Variants in RBKS observed in about 807,000 individuals in gnomAD.
The protein encoded by RBKS is ribokinase.
A neutral mutation model predicts 33.9 loss-of-function variants in RBKS; 33 were observed. The ratio of observed to expected loss-of-function variants is 0.97; its 90% CI spans 0.74 to 1.30. The LOEUF (loss-of-function observed/expected upper bound fraction) is 1.30, where lower values mean the gene tolerates loss of function less well. RBKS is among the 50% of genes most tolerant of loss of function. The pLI is 0.00. For synonymous variants in RBKS, 125 were observed against 143.0 expected, an observed-to-expected ratio of 0.87 and a Z score of 0.90; for missense variants, 361 against 392.6, an observed-to-expected ratio of 0.92 and a Z score of 0.68.
intron 2 of RBKS, 104 bp downstream of exon 2, chr2:27,858,335 G>T (rs1301322523): frequency 8.7e-7 from 1 of 1,154,242 alleles, no homozygotes; most frequent in African/African-American, 1.5e-5. Flanking sequence ...ACATGCCACT[G>T]AACTGTTCAC....
intron 7 of RBKS, among the ~76,000 whole-genome samples, chr2:27,823,140 ACT>A (rs997421995): frequency 1.3e-5 from 2 of 152,132 alleles, no homozygotes; most frequent in Non-Finnish European, 2.9e-5. Context: ...GCGGACATGC[ACT>A]CTCTGTCATT....
chr2:27,884,264 T>C (rs1284086939), intron 1 of RBKS, among the ~76,000 whole-genome samples: 1 of 152,168 alleles, frequency 6.6e-6, no homozygotes, highest in African/African-American at 2.4e-5. Context: ...TATTTTTTTA[T>C]GTTTAACAGG....
At chr2:27,789,941 G>GTATATATA (rs1169639270) in intron 7 of RBKS, among the ~76,000 whole-genome samples, 39 of 96,476 alleles carry the variant, frequency 4.0e-4, no homozygotes, top group South Asian at 6.7e-4. Context: ...ATATATATAT[G>GTATATATA]TATATGTGTA....
intron 1 of RBKS, among the ~76,000 whole-genome samples, chr2:27,880,085 T>G (rs1276047381): frequency 3.3e-5 from 5 of 152,190 alleles, no homozygotes; most frequent in Admixed American, 6.5e-5. Context: ...CATGATCAAG[T>G]AGACTTTTCC....
intron 5 of RBKS, among the ~76,000 whole-genome samples, chr2:27,840,209 A>T (rs1459314311): frequency 2.0e-5 from 3 of 151,254 alleles, no homozygotes; most frequent in Non-Finnish European, 4.4e-5. Context: ...TTGAGTAGAG[A>T]TGGGGTTTCA....
chr2:27,785,658 G>T (rs1329784036), intron 7 of RBKS, among the ~76,000 whole-genome samples: 3 of 152,032 alleles, frequency 2.0e-5, no homozygotes, highest in South Asian at 2.1e-4. Context: ...AGCCACTTGG[G>T]AGGCTGAGGC....
At position 27,781,763 on chromosome 2, in the gene RBKS, G is replaced by A. The variant is rs768632901; in HGVS notation, c.821C>T (p.Ala274Val). The A allele has an allele frequency of 3.7e-6, 6 of 1,613,598 alleles. No homozygotes were observed. In the Admixed American group the frequency reaches 1.0e-4, roughly 27 times the overall value. Residue 274 changes from alanine to valine, a missense_variant, in exon 8 of 8, where the codon GCT becomes GTT. Coordinates refer to ENST00000302188, the MANE Select transcript of RBKS (RefSeq NM_022128.3). The stretch of plus-strand genomic sequence containing the variant: ...ATAGTAAGCCAGGTAGAAGGCCAGA[G>A]CTCCCACAAAGCTGTCACCAGCACC... ...TTGAGDSFVG[A>V]LAFYLAYYPN...
intron 2 of RBKS, among the ~76,000 whole-genome samples, chr2:27,854,897 A>G (rs1352338032): frequency 6.6e-6 from 1 of 152,204 alleles, no homozygotes; most frequent in Non-Finnish European, 1.5e-5. Flanking sequence ...ATAAACATCC[A>G]TCACCTCCAA....
At chr2:27,842,931 G>T in intron 5 of RBKS, 136 bp downstream of exon 5, 2 of 601,674 alleles carry the variant, frequency 3.3e-6, no homozygotes, top group Non-Finnish European at 5.2e-6. Flanking sequence ...AGAACCACAA[G>T]ACTGTGAATC....
chr2:27,832,696 T>C lies in RBKS; in HGVS notation c.596A>G (p.Asn199Ser). 9.3e-6 allele frequency: 15 copies of C among 1,611,090 alleles called. No individual in the cohort carries two copies. The highest frequency in any genetic ancestry group is 1.3e-5 in the Non-Finnish European group (15 of 1,177,510). ...GCAATTCACCCTTACCTCACTTTCA[T>C]TGCAGCAGAACACATCTGAGAGGGT... ...FYTLSDVFCCNESEAEILTGL... is the reference protein window; with the variant it reads ...FYTLSDVFCCSESEAEILTGL... Residue 199 changes from asparagine to serine, a missense_variant, in exon 6 of 8, where the codon AAT becomes AGT. Physicochemically the swap from Asn to Ser is conservative, Grantham distance 46. Coordinates refer to ENST00000302188, the MANE Select transcript of RBKS (RefSeq NM_022128.3).
At position 27,890,233 on chromosome 2, in the gene RBKS, C is replaced by G. The variant is rs377174524; in HGVS notation, c.89+24G>C. 3.0e-5 allele frequency: 48 copies of G among 1,610,312 alleles called. 1 individual carries two copies. Among genetic ancestry groups the G allele is most frequent in the African/African-American group, 1.3e-5 (1 of 74,884 alleles). On this transcript the variant is annotated intron_variant, in intron 1 of 7. Coordinates refer to ENST00000302188, the MANE Select transcript of RBKS (RefSeq NM_022128.3). This position sits in a 1 kb window ranked among gnomAD's most constrained non-coding sequence, Gnocchi z 4.8. ...CACGCCTCCTCCCCCGAGCCGCAGA[C>G]TGAGTAACTGGCCCCGGACTAACCT... is the stretch of plus-strand genomic sequence containing the variant.
chr2:27,792,807 T>C (rs1236444573), intron 7 of RBKS, among the ~76,000 whole-genome samples: 3 of 152,230 alleles, frequency 2.0e-5, no homozygotes, highest in Admixed American at 6.5e-5. Context: ...TGGGCCTTCA[T>C]TCAAAACCCT....
intron 1 of RBKS, chr2:27,861,520 G>A: frequency 2.1e-6 from 1 of 471,148 alleles, no homozygotes; most frequent in Non-Finnish European, 4.4e-6. Context: ...TTCAACAAAT[G>A]TTCATCACTG....
intron 6 of RBKS, among the ~76,000 whole-genome samples, chr2:27,828,030 T>C (rs1445574390): frequency 3.9e-5 from 6 of 152,224 alleles, no homozygotes; most frequent in Non-Finnish European, 7.3e-5. Context: ...CTAGGTGTGA[T>C]AATGGTATTG....
chr2:27,858,654 A>T (rs1337332445), intron 1 of RBKS, 83 bp from the exon 2 acceptor site: 1 of 1,212,486 alleles, frequency 8.2e-7, no homozygotes, highest in African/African-American at 1.5e-5. Context: ...GGAAGGCTAT[A>T]TGGTAGAGCT....
chr2:27,889,062 G>A (rs1402930800), intron 1 of RBKS, among the ~76,000 whole-genome samples: 1 of 152,184 alleles, frequency 6.6e-6, no homozygotes, highest in Non-Finnish European at 1.5e-5. Context: ...TCGTTACACA[G>A]TCTCCTACTC....
chr2:27,847,186 A>C, intron 3 of RBKS, 82 bp from the exon 4 acceptor site: 1 of 807,566 alleles, frequency 1.2e-6, no homozygotes, highest in Non-Finnish European at 2.1e-6. Context: ...TACAACACTA[A>C]TCCTTGGAAA....
At chr2:27,852,326 A>C (rs1017266594) in intron 2 of RBKS, among the ~76,000 whole-genome samples, 3 of 152,266 alleles carry the variant, frequency 2.0e-5, no homozygotes, top group Non-Finnish European at 4.4e-5. Context: ...AAATCTAAAT[A>C]TCCACATGTG....
chr2:27,875,523 G>A (rs1345426771), intron 1 of RBKS, among the ~76,000 whole-genome samples: 4 of 152,116 alleles, frequency 2.6e-5, no homozygotes, highest in African/African-American at 4.8e-5. Context: ...ACTGCATTCC[G>A]GCCTGGGTGA....
Sources: allele counts gnomAD v4.1 joint callset (sites outside exome capture counted in the v4.1 genomes callset), GRCh38; gene constraint gnomAD v4.1.1; non-coding constraint Gnocchi (gnomAD v3.1); transcripts MANE v1.5; gene names NCBI Gene and HGNC (gene_info 2026-07-23, HGNC 2026-07-21).